INPP4B: variants seen among roughly 807,000 people sequenced by gnomAD.
INPP4B encodes inositol polyphosphate 4-phosphatase type II.
A neutral mutation model predicts 122.5 loss-of-function variants in INPP4B; 55 were observed. The observed-to-expected ratio is 0.45, with a 90% confidence interval of 0.36 to 0.56. INPP4B has a LOEUF of 0.56. Among genes scored for constraint, INPP4B ranks in the 20% least tolerant of loss-of-function variants. The pLI is 0.00. For synonymous variants in INPP4B, 403 were observed against 388.7 expected (o/e 1.04, Z -0.43); for missense variants, 1,000 against 1,097.7 (o/e 0.91, Z 1.26).
intron 19 of INPP4B, 80 bp from the exon 20 acceptor site, chr4:142,123,495 G>A: frequency 2.2e-6 from 3 of 1,394,480 alleles, no homozygotes; most frequent in African/African-American, 1.4e-5. Context: ...AGACTTCTGA[G>A]GCATCACAGA....
At chr4:142,196,630 TG>T (rs1313241532) in intron 14 of INPP4B, among the ~76,000 whole-genome samples, 1 of 152,190 alleles carries the variant, frequency 6.6e-6, no homozygotes, top group African/African-American at 2.4e-5. Context: ...GGATGACTAC[TG>T]CCTCTCAATG....
Position 142,108,192 on chromosome 4 carries a change from T to C in INPP4B, c.2277-2A>G. On this transcript the variant is annotated splice_acceptor_variant, in intron 22 of 25. Transcript: ENST00000262992. LOFTEE classifies it high-confidence loss of function. ...TCTTGCAAAGAGACATCTCCAAACC[T>C]ACAAACAGAAAAAAGAAAACAGCTG... The C allele has an allele frequency of 6.4e-7, 1 of 1,559,028 alleles. No individual in the cohort carries two copies. The highest frequency in any genetic ancestry group is 2.3e-5 in the East Asian group (1 of 44,416).
chr4:142,168,330 T>C (rs1471924924), intron 16 of INPP4B, among the ~76,000 whole-genome samples: 4 of 151,578 alleles, frequency 2.6e-5, no homozygotes, highest in African/African-American at 9.7e-5. Context: ...TGGTCACGGA[T>C]CATATTTTCC....
At chr4:142,524,993 T>G (rs570974040) in intron 2 of INPP4B, among the ~76,000 whole-genome samples, 4 of 151,804 alleles carry the variant, frequency 2.6e-5, no homozygotes, top group African/African-American at 2.4e-5. Flanking sequence ...AAAACCCCAT[T>G]GTCTCAGCCC....
intron 2 of INPP4B, among the ~76,000 whole-genome samples, chr4:142,548,708 G>A (rs987167905): frequency 6.6e-6 from 1 of 151,724 alleles, no homozygotes; most frequent in South Asian, 2.1e-4. Context: ...TAACAGAGGG[G>A]TTACCTATTT....
At chr4:142,248,431 G>A (rs961735233) in intron 11 of INPP4B, among the ~76,000 whole-genome samples, 7 of 143,828 alleles carry the variant, frequency 4.9e-5, no homozygotes, top group Non-Finnish European at 1.0e-4. Flanking sequence ...TCCGCCTCCC[G>A]GGTTCAAGTG....
intron 2 of INPP4B, among the ~76,000 whole-genome samples, chr4:142,529,548 A>C (rs1395831015): frequency 6.6e-6 from 1 of 152,040 alleles, no homozygotes; most frequent in Non-Finnish European, 1.5e-5. Context: ...TTTTATGTGA[A>C]CATAAAATGG....
At chr4:142,818,459 T>C (rs1487294201) in intron 1 of INPP4B, among the ~76,000 whole-genome samples, 1 of 152,240 alleles carries the variant, frequency 6.6e-6, no homozygotes, top group East Asian at 1.9e-4. Context: ...TGTGTGTGTG[T>C]GTATTTCCAG....
chr4:142,830,280 C>T (rs1197198590), intron 1 of INPP4B, among the ~76,000 whole-genome samples: 2 of 152,070 alleles, frequency 1.3e-5, no homozygotes, highest in African/African-American at 4.8e-5. Context: ...GGGATTAATG[C>T]AATTTAATAT....
chr4:142,141,544 T>C (rs1195913927), intron 18 of INPP4B, among the ~76,000 whole-genome samples: 2 of 152,154 alleles, frequency 1.3e-5, no homozygotes, highest in African/African-American at 4.8e-5. Context: ...GGAATAGTTA[T>C]TCTATTATTT....
intron 8 of INPP4B, among the ~76,000 whole-genome samples, chr4:142,309,488 G>A (rs1318876204): frequency 1.3e-5 from 2 of 152,144 alleles, no homozygotes; most frequent in Non-Finnish European, 2.9e-5. Flanking sequence ...GAACCTTAAG[G>A]ATTAAGGCCC....
chr4:142,270,215 C>T (rs531366801), intron 10 of INPP4B, among the ~76,000 whole-genome samples: 2 of 152,292 alleles, frequency 1.3e-5, no homozygotes, highest in South Asian at 4.1e-4. Context: ...GCAGGAACTT[C>T]TTGTTAAATC....
At chr4:142,333,623 GGTCTT>G (rs779342974) in intron 7 of INPP4B, among the ~76,000 whole-genome samples, 2 of 151,988 alleles carry the variant, frequency 1.3e-5, no homozygotes, top group Non-Finnish European at 2.9e-5. Flanking sequence ...TTAACTGGAT[GGTCTT>G]GTCTTTATTA....
chr4:142,685,863 A>G lies in INPP4B; in HGVS notation c.-191+39976T>C, dbSNP rs1000457404. 2.0e-5 allele frequency among the ~76,000 whole-genome samples: 3 copies of G among 152,162 alleles called. No homozygotes were observed. In the East Asian group the frequency reaches 5.8e-4, roughly 29 times the overall value. On this transcript the variant is annotated intron_variant, in intron 2 of 25. Coordinates refer to ENST00000262992, the MANE Select transcript of INPP4B (RefSeq NM_001101669.3). ...CTGACTTAAATAGGTAAGTCTATAA[A>G]AATTATACATGGCTATATAAATATC...
In INPP4B at chr4:142,030,406, C is replaced by T. The variant is rs957629732; in HGVS notation, c.2643-1492G>A. The stretch of plus-strand genomic sequence containing the variant: ...TTCTGAAATACAATGCATTATCTTA[C>T]ATAACACAACTCTTTCAGATGAAAT... On this transcript the variant is annotated intron_variant, in intron 25 of 25. Transcript: ENST00000262992. The T allele has an allele frequency of 1.3e-5, 12 of 901,018 alleles. No homozygotes were observed. The African/African-American group carries it at 1.8e-4, about 14-fold the overall frequency. The allele number at this position is 901,018 out of a possible 1,614,324, so 55.8% of individuals were successfully genotyped here.
chr4:142,809,677 A>G (rs558912088), intron 1 of INPP4B, among the ~76,000 whole-genome samples: 1 of 152,176 alleles, frequency 6.6e-6, no homozygotes, highest in African/African-American at 2.4e-5. Flanking sequence ...ATCCTAGAAT[A>G]TGTATCAGAG....
chr4:142,028,978 T>C, intron 25 of INPP4B, 64 bp from the exon 26 acceptor site: 1 of 1,548,974 alleles, frequency 6.5e-7, no homozygotes, highest in Middle Eastern at 1.7e-4. Flanking sequence ...CTTTATTTGT[T>C]TAATGCAGAG....
intron 5 of INPP4B, chr4:142,425,058 A>C (rs1316440688): frequency 2.0e-5 from 3 of 152,094 alleles, no homozygotes; most frequent in African/African-American, 7.2e-5. Flanking sequence ...AGGAGTCAGC[A>C]CATTTTAAAT....
intron 2 of INPP4B, among the ~76,000 whole-genome samples, chr4:142,623,001 C>T (rs1172279803): frequency 6.6e-6 from 1 of 151,926 alleles, no homozygotes; most frequent in Non-Finnish European, 1.5e-5. Flanking sequence ...GCCCTTAACA[C>T]TCCTCTATAG....
Sources: gnomAD v4.1 joint callset for allele counts (sites outside exome capture counted in the v4.1 genomes callset) on GRCh38, gnomAD v4.1.1 for gene constraint, MANE v1.5 for transcripts, NCBI Gene and HGNC (gene_info 2026-07-23, HGNC 2026-07-21) for gene names.